Variants in PTCH1 observed in about 807,000 individuals in gnomAD.
The protein encoded by PTCH1 is patched 1, also known as protein patched homolog 1.
Under a neutral mutation model 144.6 loss-of-function variants are expected in PTCH1, and 14 were observed. The observed-to-expected ratio is 0.10, with a 90% CI of 0.06 to 0.15. The LOEUF (loss-of-function observed/expected upper bound fraction) is 0.15. Among genes scored for constraint, PTCH1 ranks in the 10% least tolerant of loss-of-function variants. The pLI is 1.00. For synonymous variants in PTCH1, 833 were observed against 793.6 expected (o/e 1.05, Z -0.83); for missense variants, 1,623 against 1,948.3 (o/e 0.83, Z 3.14).
chr9:95,510,347 T>C (rs1466436735), upstream of PTCH1, among the ~76,000 whole-genome samples: 2 of 152,200 alleles, frequency 1.3e-5, no homozygotes, highest in African/African-American at 4.8e-5. Context: ...CTGGATTCAT[T>C]GAAAACAAAC....
intron 1 of PTCH1, chr9:95,507,831 G>T: frequency 1.1e-6 from 1 of 891,324 alleles, no homozygotes; most frequent in Non-Finnish European, 1.5e-6. Flanking sequence ...CAGTGCCGCG[G>T]CCGCCCTTGA....
At chr9:95,506,221 A>T (rs1843612860) in intron 2 of PTCH1, 186 bp downstream of exon 2, 1 of 634,638 alleles carries the variant, frequency 1.6e-6, no homozygotes, top group East Asian at 3.2e-5. Flanking sequence ...CGAGTAGATT[A>T]CAGCGCGGCC....
At chr9:95,505,523 C>T (rs1417688276) in intron 2 of PTCH1, among the ~76,000 whole-genome samples, 2 of 152,142 alleles carry the variant, frequency 1.3e-5, no homozygotes, top group Non-Finnish European at 2.9e-5. Flanking sequence ...TATTTTAAAT[C>T]TGCAACTGCT....
intron 20 of PTCH1, chr9:95,453,085 T>G (rs1838609082): frequency 3.0e-6 from 1 of 329,634 alleles, no homozygotes. Flanking sequence ...GGTGCTGCAA[T>G]CTACCAGATA....
chr9:95,452,999 A>G (rs1191549575), intron 20 of PTCH1: 3 of 269,330 alleles, frequency 1.1e-5, no homozygotes, highest in East Asian at 9.2e-5. Context: ...AGACAGCTCT[A>G]GAAGAGAGCT....
At position 95,467,311 on chromosome 9, in the gene PTCH1, C is replaced by A. The variant is rs1840096887; in HGVS notation, c.2365G>T (p.Asp789Tyr). ...DIVPRETREY[D>Y]FIAAQFKYFS... ...TATTTGAATTGTGCAGCAATAAAGTCATATTCTCTGGTTTCCCGAGGTACA... is the reference window on the plus strand; with the variant it reads ...TATTTGAATTGTGCAGCAATAAAGTAATATTCTCTGGTTTCCCGAGGTACA... The change falls in exon 15 of 24, where the codon GAC (aspartate) becomes TAC (tyrosine). Residue 789 changes from aspartate (D) to tyrosine (Y), a missense_variant. Around this residue, in one of 7 missense-constraint regions of PTCH1, gnomAD observed 504 missense variants for 679.3 expected, o/e 0.74. Coordinates refer to ENST00000331920, the MANE Select transcript of PTCH1 (RefSeq NM_000264.5). 6.2e-7 allele frequency: 1 copy of A among 1,614,190 alleles called. No homozygotes were observed. The highest frequency in any genetic ancestry group is 8.5e-7 in the Non-Finnish European group (1 of 1,180,024).
intron 2 of PTCH1, among the ~76,000 whole-genome samples, chr9:95,504,754 C>T (rs1438496047): frequency 6.6e-6 from 1 of 152,184 alleles, no homozygotes; most frequent in African/African-American, 2.4e-5. Context: ...GTTCTCTCCC[C>T]CCACCCCCTA....
At chr9:95,499,317 C>A (rs983593257) in intron 2 of PTCH1, among the ~76,000 whole-genome samples, 2 of 150,960 alleles carry the variant, frequency 1.3e-5, no homozygotes, top group African/African-American at 2.4e-5. Flanking sequence ...ATGCAAATGG[C>A]AGCTCTGTAT....
chr9:95,512,447 T>C (rs900016262), upstream of PTCH1, among the ~76,000 whole-genome samples: 12 of 149,204 alleles, frequency 8.0e-5, no homozygotes, highest in African/African-American at 3.0e-4. Context: ...TTTGAGGATC[T>C]AATTGGCCTT....
chr9:95,467,034 C>G, intron 15 of PTCH1, 82 bp downstream of exon 15: 2 of 1,443,030 alleles, frequency 1.4e-6, no homozygotes, highest in Non-Finnish European at 1.9e-6. Flanking sequence ...TAATCTAACG[C>G]TCTCATAATC....
chr9:95,488,827 G>A (rs528997439), intron 2 of PTCH1, among the ~76,000 whole-genome samples: 46 of 152,372 alleles, frequency 3.0e-4, no homozygotes, highest in African/African-American at 1.1e-3. Context: ...TTTCAAATGG[G>A]ATAGCAGGGA....
intron 20 of PTCH1, chr9:95,450,462 CTAAT>C (rs1229761121): frequency 5.7e-6 from 1 of 175,632 alleles, no homozygotes; most frequent in Non-Finnish European, 1.2e-5. Flanking sequence ...GGCAGAATCT[CTAAT>C]TAAGTCTCTA....
At position 95,445,675 on chromosome 9, in the gene PTCH1, A is replaced by C. The variant is rs1837826969; in HGVS notation, c.*718T>G. 1 of 152,588 alleles carries C rather than the reference A, an allele frequency of 6.6e-6. No individual in the cohort carries two copies. Among genetic ancestry groups the C allele is most frequent in the African/African-American group, 2.4e-5 (1 of 41,456 alleles). 9.5% of individuals were successfully genotyped at this position (152,588 alleles called of 1,614,324 possible). A position where few individuals can be genotyped will look rare whatever the true frequency, so the allele number is the denominator to read the frequency against. On this transcript the variant is annotated 3_prime_UTR_variant, in exon 24 of 24. Transcript: ENST00000331920. ...AAGATATCCTGACGCTTCCAGCCTG[A>C]CTAGGTCAGAGCCTACTACAGGTTA...
rs1354617361 is a variant in PTCH1, at chr9:95,459,878, T to C, written c.2704-95A>G. On this transcript the variant is annotated intron_variant, in intron 16 of 23. Transcript: ENST00000331920. ...CACAGAAGCTGAGCTTCGCACAGCA[T>C]TACAACAAAGAATAGAATGCCTACT... 2.2e-6 allele frequency: 3 copies of C among 1,355,322 alleles called. No homozygotes were observed. The East Asian group carries it at 6.9e-5, about 31-fold the overall frequency. 84.0% of individuals were successfully genotyped at this position (1,355,322 alleles called of 1,614,324 possible).
In PTCH1 at chr9:95,443,312, A is replaced by T. The variant is rs1837628127; in HGVS notation, c.*3081T>A. The stretch of plus-strand genomic sequence containing the variant: ...AGATAGAGCAAAAAAGAAGAGTGTC[A>T]CAAGGTCAGCAAGATGAAACAACAG... On this transcript the variant is annotated 3_prime_UTR_variant, in exon 24 of 24. Transcript: ENST00000331920. 6.6e-6 allele frequency: 1 copy of T among 152,372 alleles called. No individual in the cohort carries two copies. Among genetic ancestry groups the T allele is most frequent in the Admixed American group, 6.5e-5 (1 of 15,288 alleles). The allele number at this position is 152,372 out of a possible 1,614,324, so 9.4% of individuals were successfully genotyped here.
Position 95,468,878 on chromosome 9 carries a change from G to T in PTCH1, c.2123C>A (p.Thr708Lys), listed in dbSNP as rs1060502290. 6.2e-7 allele frequency: 1 copy of T among 1,614,210 alleles called. No homozygotes were observed. Residue 708 changes from threonine (T) to lysine (K), a missense_variant, in exon 14 of 24, where the codon ACA (threonine) becomes AAA (lysine). Thr to Lys is a moderately conservative substitution (Grantham distance 78). This residue lies in a region of PTCH1 where 179 missense variants were observed against 165.7 expected (regional missense o/e 1.08). Coordinates refer to ENST00000331920, the MANE Select transcript of PTCH1 (RefSeq NM_000264.5). ...GGAGAACTGGGAGAGCAGGTCCCTT[G>T]TGGAGCTGGTGCTCTCTGGGCTCTG... Reference protein sequence around the residue: ...SCQSPESTSSTRDLLSQFSDS... With the variant: ...SCQSPESTSSKRDLLSQFSDS...
intron 8 of PTCH1, 127 bp from the exon 9 acceptor site, chr9:95,478,313 A>G (rs1283520772): frequency 7.1e-7 from 1 of 1,409,026 alleles, no homozygotes; most frequent in East Asian, 2.3e-5. Context: ...AAAAAGTTCT[A>G]CGTGATTCCA....
chr9:95,505,944 G>A (rs1040561914), intron 2 of PTCH1, among the ~76,000 whole-genome samples: 1 of 146,840 alleles, frequency 6.8e-6, no homozygotes, highest in African/African-American at 2.5e-5. Context: ...ACTCCAGCCA[G>A]CCGGAGGGGT....
chr9:95,508,247 GCCCCCC>G lies in PTCH1; in HGVS notation c.109_114del (p.Gly37_Gly38del). The G allele has an allele frequency of 5.0e-6, 8 of 1,604,558 alleles. No homozygotes were observed. Among genetic ancestry groups the G allele is most frequent in the Non-Finnish European group, 5.9e-6 (7 of 1,177,542 alleles). ...CGGTCCGGCGCGGCAGCACGGCGCAGCCCCCCCGTCCGTCTGCGCCTCCCGCCTCCA... is the reference window on the plus strand; with the variant it reads ...CGGTCCGGCGCGGCAGCACGGCGCAGCGTCCGTCTGCGCCTCCCGCCTCCA... On this transcript the variant is annotated inframe_deletion, in exon 1 of 24. Coordinates refer to ENST00000331920, the MANE Select transcript of PTCH1 (RefSeq NM_000264.5).
Sources: gnomAD v4.1 joint callset for allele counts (sites outside exome capture counted in the v4.1 genomes callset) on GRCh38, gnomAD v4.1.1 for gene constraint, gnomAD v4.1.1 regional missense constraint, MANE v1.5 for transcripts, NCBI Gene and HGNC (gene_info 2026-07-23, HGNC 2026-07-21) for gene names.